FBXW8: variants seen among roughly 807,000 people sequenced by gnomAD.
FBXW8 encodes the protein F-box and WD repeat domain containing 8, also known as F-box/WD repeat-containing protein 8.
A neutral mutation model predicts 65.3 loss-of-function variants in FBXW8; 57 were observed. That is an observed-to-expected ratio of 0.87 (90% CI 0.71 to 1.09). The LOEUF (loss-of-function observed/expected upper bound fraction) is 1.09, where lower values mean the gene tolerates loss of function less well. Ranked by LOEUF, FBXW8 falls within the 50% of genes least tolerant of loss-of-function variation. The probability of loss-of-function intolerance (pLI) is 0.00; values close to 1 mark genes in which losing one functional copy is unlikely to be tolerated. For missense variants in FBXW8, 777 were observed against 814.8 expected, an observed-to-expected ratio of 0.95 and a Z score of 0.57; for synonymous variants, 308 against 330.2, an observed-to-expected ratio of 0.93 and a Z score of 0.73.
intron 2 of FBXW8, among the ~76,000 whole-genome samples, chr12:116,939,416 A>T (rs2137331471): frequency 6.6e-6 from 1 of 152,344 alleles, no homozygotes; most frequent in African/African-American, 2.4e-5. Flanking sequence ...CAAGTTCTGC[A>T]GCGAGGAATT....
intron 1 of FBXW8, among the ~76,000 whole-genome samples, chr12:116,915,214 G>A (rs946156011): frequency 3.9e-5 from 6 of 152,380 alleles, no homozygotes; most frequent in Admixed American, 2.6e-4. Context: ...CGTGAGTGAG[G>A]TAGGCTGGGT....
chr12:117,020,980 C>T (rs1954079927), intron 8 of FBXW8, among the ~76,000 whole-genome samples: 2 of 152,202 alleles, frequency 1.3e-5, no homozygotes, highest in South Asian at 4.1e-4. Flanking sequence ...GTAGCTACCT[C>T]CTCGAAGTGG....
intron 8 of FBXW8, among the ~76,000 whole-genome samples, chr12:117,021,826 G>C (rs950983432): frequency 2.0e-5 from 3 of 152,140 alleles, no homozygotes; most frequent in Admixed American, 2.0e-4. Flanking sequence ...GGTGGTGCCA[G>C]TGCCTCACTG....
Position 116,980,517 on chromosome 12 carries a change from C to T in FBXW8, c.836-4689C>T, listed in dbSNP as rs557588678. 2.6e-5 allele frequency: 4 copies of T among 152,314 alleles called. No homozygotes were observed. In the South Asian group the frequency reaches 8.3e-4, roughly 32 times the overall value. 9.4% of individuals were successfully genotyped at this position (152,314 alleles called of 1,614,324 possible). A position where few individuals can be genotyped will look rare whatever the true frequency, so the allele number is the denominator to read the frequency against. On this transcript the variant is annotated intron_variant, in intron 5 of 10. Transcript: ENST00000652555. ...CATAGGGCATAGAGAGGGAAAAGGA[C>T]ACAGTCTTGCCATTTCACAAGTTCA...
At chr12:116,937,923 A>C (rs558231080) in intron 2 of FBXW8, among the ~76,000 whole-genome samples, 1 of 152,150 alleles carries the variant, frequency 6.6e-6, no homozygotes, top group Admixed American at 6.5e-5. Context: ...TTTTATTAGC[A>C]AGTCCTTGCA....
intron 8 of FBXW8, among the ~76,000 whole-genome samples, chr12:117,019,345 C>T (rs1043753105): frequency 1.3e-5 from 2 of 152,176 alleles, no homozygotes; most frequent in Non-Finnish European, 2.9e-5. Context: ...GTGGCCAGTC[C>T]GAAGGGCTTG....
intron 8 of FBXW8, among the ~76,000 whole-genome samples, chr12:117,020,087 G>A (rs1437596920): frequency 6.6e-6 from 1 of 152,186 alleles, no homozygotes; most frequent in Non-Finnish European, 1.5e-5. Context: ...GCACACACCT[G>A]TGCGCACGGC....
At chr12:116,953,016 G>A (rs1165982074) in intron 4 of FBXW8, among the ~76,000 whole-genome samples, 1 of 152,198 alleles carries the variant, frequency 6.6e-6, no homozygotes, top group African/African-American at 2.4e-5. Context: ...GGGATTACAG[G>A]CGTGAGCCAC....
intron 2 of FBXW8, among the ~76,000 whole-genome samples, chr12:116,934,231 A>G (rs1014090105): frequency 6.6e-6 from 1 of 151,840 alleles, no homozygotes; most frequent in African/African-American, 2.4e-5. Context: ...GTCCTGCTAC[A>G]TTAGTTTGTG....
rs575265909 is a variant in FBXW8 at position 117,028,508 on chromosome 12, C to T, written c.*336C>T. ...CCTGCTTAGCCAGCTTCTGTGTGTC[C>T]GCCCTCCCAGCTCCAGCCCTGCAGG... On this transcript the variant is annotated 3_prime_UTR_variant, in exon 11 of 11. Coordinates refer to ENST00000652555, the MANE Select transcript of FBXW8 (RefSeq NM_153348.3). This position sits in a 1 kb window ranked among gnomAD's most constrained non-coding sequence, Gnocchi z 4.1. 308 of 239,080 alleles carry T rather than the reference C, an allele frequency of 1.3e-3. 5 individuals are homozygous for T. Among genetic ancestry groups the T allele is most frequent in the Non-Finnish European group, 5.2e-4 (63 of 120,344 alleles). 14.8% of individuals were successfully genotyped at this position (239,080 alleles called of 1,614,324 possible).
chr12:116,978,254 A>G (rs1885080671), intron 5 of FBXW8: 1 of 152,126 alleles, frequency 6.6e-6, no homozygotes, highest in Non-Finnish European at 1.5e-5. Context: ...CTACACTGAT[A>G]CTAATCTCCC....
At chr12:116,930,596 G>T (rs544249619) in intron 2 of FBXW8, among the ~76,000 whole-genome samples, 1 of 152,186 alleles carries the variant, frequency 6.6e-6, no homozygotes, top group South Asian at 2.1e-4. Context: ...TTTATAGGTT[G>T]TCTCTGTATT....
At chr12:116,924,117 C>G (rs79653774) in intron 1 of FBXW8, among the ~76,000 whole-genome samples, 2,025 of 151,224 alleles carry the variant, frequency 0.013, 40 homozygotes, top group African/African-American at 0.046. Context: ...TTTCCTTCTT[C>G]TTGGAATATC....
At chr12:116,972,181 A>G (rs184240898) in intron 5 of FBXW8, among the ~76,000 whole-genome samples, 5 of 152,334 alleles carry the variant, frequency 3.3e-5, no homozygotes, top group African/African-American at 7.2e-5. Flanking sequence ...TAGCTGTTCT[A>G]TTTTATTACA....
intron 5 of FBXW8, among the ~76,000 whole-genome samples, chr12:116,984,961 G>C (rs1885561800): frequency 6.6e-6 from 1 of 152,154 alleles, no homozygotes; most frequent in Non-Finnish European, 1.5e-5. Flanking sequence ...CTGCACTCCA[G>C]CCTGGGCGAA....
intron 9 of FBXW8, 85 bp from the exon 10 acceptor site, chr12:117,027,309 C>T (rs1244276657): frequency 4.5e-5 from 45 of 993,430 alleles, no homozygotes; most frequent in Middle Eastern, 5.9e-4. Context: ...CTAGAATCCC[C>T]TGCAGCTCTG....
At chr12:116,964,518 C>T (rs1447601028) in intron 4 of FBXW8, among the ~76,000 whole-genome samples, 179 bp from the exon 5 acceptor site, 1 of 152,114 alleles carries the variant, frequency 6.6e-6, no homozygotes, top group Non-Finnish European at 1.5e-5. Context: ...TGTTCACAGC[C>T]TTCTGTCATC....
intron 8 of FBXW8, among the ~76,000 whole-genome samples, chr12:117,013,510 C>T (rs181954386): frequency 2.0e-5 from 3 of 152,012 alleles, no homozygotes; most frequent in South Asian, 2.1e-4. Flanking sequence ...TGATGCACGT[C>T]GGCATTAGGG....
At chr12:116,948,197 T>G (rs1313118441) in intron 3 of FBXW8, among the ~76,000 whole-genome samples, 1 of 152,068 alleles carries the variant, frequency 6.6e-6, no homozygotes, top group East Asian at 1.9e-4. Flanking sequence ...GGCCATAGTG[T>G]TTTTTTTCCT....
Sources: gnomAD v4.1 joint callset for allele counts (sites outside exome capture counted in the v4.1 genomes callset) on GRCh38, gnomAD v4.1.1 for gene constraint, Gnocchi (gnomAD v3.1) non-coding constraint, MANE v1.5 for transcripts, NCBI Gene and HGNC (gene_info 2026-07-23, HGNC 2026-07-21) for gene names.